The following SLC35B1 variants were observed in gnomAD, a reference collection of about 807,000 sequenced individuals.
The protein encoded by SLC35B1 is ATP/ADP exchanger ER.
A neutral mutation model predicts 36.6 loss-of-function variants in SLC35B1; 27 were observed. The ratio of observed to expected loss-of-function variants is 0.74; its 90% CI spans 0.54 to 1.02. The LOEUF is 1.02. Among genes scored for constraint, SLC35B1 ranks in the 50% least tolerant of loss-of-function variants. The pLI is 0.00. For synonymous variants in SLC35B1, 162 were observed against 152.5 expected, an observed-to-expected ratio of 1.06 and a Z score of -0.46; for missense variants, 321 against 383.2, an observed-to-expected ratio of 0.84 and a Z score of 1.35.
chr17:49,703,390 A>G (rs1054212989), intron 6 of SLC35B1, 96 bp from the exon 7 acceptor site: 4 of 810,198 alleles, frequency 4.9e-6, no homozygotes, highest in Admixed American at 3.8e-5. Context: ...ACTCCTGCAC[A>G]TGGCCTGTTA....
intron 4 of SLC35B1, 173 bp from the exon 5 acceptor site, chr17:49,705,454 A>G: frequency 1.5e-6 from 1 of 651,118 alleles, no homozygotes; most frequent in Non-Finnish European, 2.6e-6. Flanking sequence ...AGGATTGAGC[A>G]ACAGGGTTAA....
At chr17:49,702,627 G>C in intron 8 of SLC35B1, 1 of 455,452 alleles carries the variant, frequency 2.2e-6, no homozygotes, top group Non-Finnish European at 4.0e-6. Flanking sequence ...AGCTACTCCG[G>C]ATGCTGAGGC....
chr17:49,707,498 C>A (rs752941307), intron 1 of SLC35B1: 13 of 1,471,144 alleles, frequency 8.8e-6, no homozygotes, highest in Non-Finnish European at 1.2e-5. Flanking sequence ...TAGAACCAAG[C>A]GGGGAAAAAC....
intron 8 of SLC35B1, chr17:49,701,915 C>T (rs1227567700): frequency 5.4e-6 from 2 of 371,146 alleles, no homozygotes; most frequent in African/African-American, 2.2e-5. Flanking sequence ...CACAGCAAGA[C>T]CCCATCGCTA....
chr17:49,707,639 C>T (rs565720549), intron 1 of SLC35B1, 91 bp downstream of exon 1: 7 of 1,491,996 alleles, frequency 4.7e-6, no homozygotes, highest in Non-Finnish European at 6.4e-6. Context: ...GGCAGGAGGA[C>T]AAGAGGAAAG....
intron 5 of SLC35B1, among the ~76,000 whole-genome samples, chr17:49,704,545 T>G (rs2073392692): frequency 6.6e-6 from 1 of 152,126 alleles, no homozygotes; most frequent in Non-Finnish European, 1.5e-5. Context: ...GCTTCCTAGC[T>G]TGGAGTATAG....
chr17:49,702,871 C>A lies in SLC35B1; in HGVS notation c.903G>T (p.Val301=). 6.2e-7 allele frequency: 1 copy of A among 1,614,066 alleles called. No individual in the cohort carries two copies. Among genetic ancestry groups the A allele is most frequent in the East Asian group, 2.2e-5 (1 of 44,882 alleles). Residue 301 remains valine (V), a synonymous_variant, in exon 8 of 9, where the codon GTG becomes GTT. Coordinates refer to ENST00000240333, the MANE Select transcript of SLC35B1 (RefSeq NM_005827.4). ...PISPMQWVGT[V]LVFLGLGLDA... ...GTGGCCACTTACCCAGGAACACAAG[C>A]ACAGTGCCCACCCACTGCATGGGGC...
intron 5 of SLC35B1, 114 bp downstream of exon 5, chr17:49,705,010 C>T: frequency 9.9e-7 from 1 of 1,008,340 alleles, no homozygotes; most frequent in Non-Finnish European, 1.5e-6. Flanking sequence ...GATATGGGGA[C>T]AAGGAGCACC....
At chr17:49,701,938 A>G (rs1567818168) in intron 8 of SLC35B1, 1 of 414,692 alleles carries the variant, frequency 2.4e-6, no homozygotes, top group East Asian at 7.4e-5. Flanking sequence ...AAAAAAAAAA[A>G]AAAAATTGGT....
At chr17:49,706,092 G>A (rs868587737) in intron 3 of SLC35B1, 112 bp downstream of exon 3, 3 of 1,367,458 alleles carry the variant, frequency 2.2e-6, no homozygotes, top group Non-Finnish European at 3.0e-6. Flanking sequence ...ATGTCTTACA[G>A]GACCGTTATC....
chr17:49,707,575 G>T, intron 1 of SLC35B1, 155 bp downstream of exon 1: 1 of 1,467,338 alleles, frequency 6.8e-7, no homozygotes, highest in Non-Finnish European at 9.1e-7. Context: ...TGGAATTCTG[G>T]GTAGGCTCAG....
Position 49,707,838 on chromosome 17 carries a change from C to A in SLC35B1, c.-5G>T. ...CAGGGAGCTGCTAGAGGCCATGAGACGCCCAGAGGAGCCGACTGGAGACCC... is the reference window on the plus strand; with the variant it reads ...CAGGGAGCTGCTAGAGGCCATGAGAAGCCCAGAGGAGCCGACTGGAGACCC... On this transcript the variant is annotated 5_prime_UTR_variant, in exon 1 of 9. Transcript: ENST00000240333. The A allele has an allele frequency of 6.2e-7, 1 of 1,611,680 alleles. No homozygotes were observed. Among genetic ancestry groups the A allele is most frequent in the Non-Finnish European group, 8.5e-7 (1 of 1,179,716 alleles).
intron 4 of SLC35B1, 39 bp downstream of exon 4, chr17:49,705,827 G>C: frequency 1.2e-6 from 2 of 1,602,376 alleles, no homozygotes; most frequent in South Asian, 2.2e-5. Flanking sequence ...ACTATAGGAA[G>C]AGTGACGACA....
intron 5 of SLC35B1, 168 bp downstream of exon 5, chr17:49,704,956 C>T: frequency 1.7e-6 from 1 of 591,802 alleles, no homozygotes. Flanking sequence ...TTTCAGGTTT[C>T]CCACTATGGC....
rs749487754 is a variant in SLC35B1, at chr17:49,705,294, AAC to A, written c.371-15_371-14del. On this transcript the variant is annotated splice_polypyrimidine_tract_variant and intron_variant, in intron 4 of 8. Coordinates refer to ENST00000240333, the MANE Select transcript of SLC35B1 (RefSeq NM_005827.4). ...CCAAGGAGCATGACTACAGGGAAAAAACAGAGTGGAAAATTCAGGCATCCATA... is the reference window on the plus strand; with the variant it reads ...CCAAGGAGCATGACTACAGGGAAAAAAGAGTGGAAAATTCAGGCATCCATA... The A allele has an allele frequency of 3.6e-5, 58 of 1,613,328 alleles. No homozygotes were observed. The Admixed American group carries it at 9.7e-4, about 27-fold the overall frequency.
rs61136804 is a variant in SLC35B1, at chr17:49,706,346, C to CAAAAAAAAAAAAAA, written c.209-26_209-13dup. On this transcript the variant is annotated splice_polypyrimidine_tract_variant and intron_variant, in intron 2 of 8. Coordinates refer to ENST00000240333, the MANE Select transcript of SLC35B1 (RefSeq NM_005827.4). ...AAAAAACTGGATCACTGGGAGAAGA[C>CAAAAAAAAAAAAAA]AAAAAAAAAAAAAAAAAAAGAAAAG... 14 of 733,612 alleles carry CAAAAAAAAAAAAAA rather than the reference C, an allele frequency of 1.9e-5. No homozygotes were observed. Among genetic ancestry groups the CAAAAAAAAAAAAAA allele is most frequent in the Admixed American group, 9.5e-5 (1 of 10,498 alleles). 45.4% of individuals were successfully genotyped at this position (733,612 alleles called of 1,614,324 possible).
In SLC35B1 at chr17:49,705,109, A is replaced by C. The variant is rs201482532; in HGVS notation, c.528+15T>G. The C allele has an allele frequency of 9.9e-6, 16 of 1,613,706 alleles. No individual in the cohort carries two copies. Among genetic ancestry groups the C allele is most frequent in the Non-Finnish European group, 1.3e-5 (15 of 1,179,792 alleles). On this transcript the variant is annotated intron_variant, in intron 5 of 8. Transcript: ENST00000240333. ...TTTGCTGGAAAAGGGTGCCTTCCCC[A>C]ACAGGATCTCATACCAAGAGTAGCT...
chr17:49,702,822 A>G (rs766786966), intron 8 of SLC35B1, 36 bp downstream of exon 8: 1 of 1,560,710 alleles, frequency 6.4e-7, no homozygotes, highest in Non-Finnish European at 8.7e-7. Context: ...AGGAGAAAAA[A>G]TTCAGCTGTC....
rs775667007 is a variant in SLC35B1, at chr17:49,703,317, G to A, written c.656-23C>T. ...TTCCTGAGAAGACATGTCAACAAAT[G>A]TACGGCGCATTTTGTGCACACAAAA... is the stretch of plus-strand genomic sequence containing the variant. On this transcript the variant is annotated intron_variant, in intron 6 of 8. Coordinates refer to ENST00000240333, the MANE Select transcript of SLC35B1 (RefSeq NM_005827.4). The A allele has an allele frequency of 3.4e-6, 5 of 1,482,394 alleles. No homozygotes were observed. In the South Asian group the frequency reaches 4.5e-5, roughly 13 times the overall value. 91.8% of individuals were successfully genotyped at this position (1,482,394 alleles called of 1,614,324 possible). A position where few individuals can be genotyped will look rare whatever the true frequency, so the allele number is the denominator to read the frequency against.
Sources: gnomAD v4.1 joint callset for allele counts (sites outside exome capture counted in the v4.1 genomes callset) on GRCh38, gnomAD v4.1.1 for gene constraint, MANE v1.5 for transcripts, NCBI Gene and HGNC (gene_info 2026-07-23, HGNC 2026-07-21) for gene names.